GRID1: variants seen among roughly 807,000 people sequenced by gnomAD.
GRID1 encodes the protein glutamate ionotropic receptor delta type subunit 1.
GRID1 carries 28 observed loss-of-function variants against 98.0 expected under a neutral mutation model. The observed-to-expected ratio is 0.29, with a 90% confidence interval of 0.21 to 0.39. The LOEUF (loss-of-function observed/expected upper bound fraction) is 0.39. Among genes scored for constraint, GRID1 ranks in the 10% least tolerant of loss-of-function variants. The pLI, the probability that GRID1 is intolerant of heterozygous loss-of-function variation, is 1.00. For synonymous variants in GRID1, 553 were observed against 538.5 expected (o/e 1.03, Z -0.37); for missense variants, 1,111 against 1,340.5 (o/e 0.83, Z 2.67).
At chr10:85,648,390 T>TA (rs1436590336) in intron 12 of GRID1, among the ~76,000 whole-genome samples, 2 of 152,024 alleles carry the variant, frequency 1.3e-5, no homozygotes, top group East Asian at 1.9e-4. Context: ...AATTGCAAAA[T>TA]AAAAAAAGCC....
At position 85,869,038 on chromosome 10, in the gene GRID1, G is replaced by A; in HGVS notation, c.923C>T (p.Pro308Leu). 2 of 1,613,940 alleles carry A rather than the reference G, an allele frequency of 1.2e-6. No individual in the cohort carries two copies. The highest frequency in any genetic ancestry group is 1.7e-6 in the Non-Finnish European group (2 of 1,179,944). The change falls in exon 6 of 16, where the codon CCC becomes CTC. Residue 308 changes from proline (P) to leucine (L), a missense_variant. By Grantham distance (98) the Pro-to-Leu change is moderately conservative. Coordinates refer to ENST00000327946, the MANE Select transcript of GRID1 (RefSeq NM_017551.3). Reference sequence around the variant, plus strand: ...CAGCATCTGGAGGTAGCCTTCCTGGGGGTCGCAGAGCAGGGAGGAGATGCG... The same window carrying A: ...CAGCATCTGGAGGTAGCCTTCCTGGAGGTCGCAGAGCAGGGAGGAGATGCG... ...NHRISSLLCDPQEGYLQMLQI... is the reference protein window; with the variant it reads ...NHRISSLLCDLQEGYLQMLQI...
At chr10:85,610,859 A>T (rs1842725063) in intron 15 of GRID1, among the ~76,000 whole-genome samples, 1 of 152,216 alleles carries the variant, frequency 6.6e-6, no homozygotes, top group Non-Finnish European at 1.5e-5. Context: ...ATTTCCATGC[A>T]ACCCTTCTTA....
At chr10:85,702,410 C>G (rs1841461833) in intron 12 of GRID1, among the ~76,000 whole-genome samples, 1 of 152,004 alleles carries the variant, frequency 6.6e-6, no homozygotes, top group African/African-American at 2.4e-5. Flanking sequence ...TGAAAATGAT[C>G]AGAGAATGTG....
At chr10:86,162,659 T>A (rs929574952) in intron 3 of GRID1, among the ~76,000 whole-genome samples, 3 of 152,202 alleles carry the variant, frequency 2.0e-5, no homozygotes, top group Non-Finnish European at 4.4e-5. Context: ...AAAAAGTCTG[T>A]CTGGATCTGG....
chr10:86,339,886 GCAA>G (rs1564743266), intron 2 of GRID1, among the ~76,000 whole-genome samples: 1 of 152,208 alleles, frequency 6.6e-6, no homozygotes, highest in Non-Finnish European at 1.5e-5. Context: ...AGGTGAACGA[GCAA>G]CAACAAGGTT....
At chr10:86,269,699 A>G (rs952809584) in intron 2 of GRID1, among the ~76,000 whole-genome samples, 1 of 151,980 alleles carries the variant, frequency 6.6e-6, no homozygotes, top group Non-Finnish European at 1.5e-5. Flanking sequence ...TTTAGTCTCA[A>G]TTCCCAAGCT....
chr10:85,723,218 C>T, intron 11 of GRID1, 77 bp from the exon 12 acceptor site: 2 of 1,401,350 alleles, frequency 1.4e-6, no homozygotes, highest in East Asian at 2.5e-5. Flanking sequence ...TTCTGCCCTG[C>T]AGCCAGGCAC....
intron 2 of GRID1, among the ~76,000 whole-genome samples, chr10:86,222,943 T>TC (rs1308476315): frequency 6.6e-6 from 1 of 151,350 alleles, no homozygotes; most frequent in Non-Finnish European, 1.5e-5. Flanking sequence ...CGAGACTGCA[T>TC]CCCCCCCTCC....
chr10:85,912,547 A>T lies in GRID1; in HGVS notation c.780+3639T>A, dbSNP rs569707987. ...AAAATGCATAAAACAAATCAAATAC[A>T]GAGGAGGAAACTGAAAGGCAGAGCC... is the stretch of plus-strand genomic sequence containing the variant. On this transcript the variant is annotated intron_variant, in intron 5 of 15. Coordinates refer to ENST00000327946, the MANE Select transcript of GRID1 (RefSeq NM_017551.3). Among the ~76,000 whole-genome samples the T allele has an allele frequency of 4.5e-3, 687 of 152,386 alleles. 17 individuals carry two copies. Among genetic ancestry groups the T allele is most frequent in the Admixed American group, 0.038 (585 of 15,304 alleles).
At chr10:86,339,659 G>A (rs1848282396) in intron 2 of GRID1, among the ~76,000 whole-genome samples, 1 of 152,244 alleles carries the variant, frequency 6.6e-6, no homozygotes, top group African/African-American at 2.4e-5. Context: ...CGACAGCAAA[G>A]GAGGGAACGA....
chr10:86,356,511 G>C (rs954017149), intron 2 of GRID1, among the ~76,000 whole-genome samples: 35 of 152,174 alleles, frequency 2.3e-4, no homozygotes, highest in African/African-American at 8.2e-4. Context: ...GAAGTGATGT[G>C]AGCACATCCA....
chr10:86,239,951 T>C (rs1418751888), intron 2 of GRID1, among the ~76,000 whole-genome samples: 1 of 152,152 alleles, frequency 6.6e-6, no homozygotes, highest in Non-Finnish European at 1.5e-5. Flanking sequence ...TTTATAAGAC[T>C]GGTGTCCTCA....
intron 4 of GRID1, among the ~76,000 whole-genome samples, chr10:86,060,659 G>C (rs947169114): frequency 6.6e-6 from 1 of 152,198 alleles, no homozygotes; most frequent in Non-Finnish European, 1.5e-5. Flanking sequence ...CGCTGGCCTG[G>C]ACTGGTTTCA....
At position 85,764,936 on chromosome 10, in the gene GRID1, G is replaced by A. The variant is rs139080187; in HGVS notation, c.1234-35322C>T. On this transcript the variant is annotated intron_variant, in intron 8 of 15. Coordinates refer to ENST00000327946, the MANE Select transcript of GRID1 (RefSeq NM_017551.3). Reference sequence around the variant, plus strand: ...GACTATATAACAGAAATGCAGCAGGGATTTTTCTTTGCCCCAAAGAGGACA... The same window carrying A: ...GACTATATAACAGAAATGCAGCAGGAATTTTTCTTTGCCCCAAAGAGGACA... Among the ~76,000 whole-genome samples the A allele has an allele frequency of 5.8e-4, 89 of 152,300 alleles. 3 individuals are homozygous for A. The East Asian group carries it at 0.016, about 27-fold the overall frequency.
At chr10:85,920,533 C>T (rs1841687893) in intron 4 of GRID1, among the ~76,000 whole-genome samples, 1 of 152,180 alleles carries the variant, frequency 6.6e-6, no homozygotes, top group African/African-American at 2.4e-5. Context: ...CCAGGAGCCT[C>T]ATCTCTGCCA....
intron 4 of GRID1, among the ~76,000 whole-genome samples, chr10:86,085,579 C>T (rs1263124769): frequency 6.6e-6 from 1 of 152,126 alleles, no homozygotes; most frequent in African/African-American, 2.4e-5. Context: ...TGCCTGACCC[C>T]TAGGAACAAA....
At chr10:86,113,045 C>T (rs74343914) in intron 4 of GRID1, among the ~76,000 whole-genome samples, 5,791 of 152,246 alleles carry the variant, frequency 0.038, 144 homozygotes, top group Middle Eastern at 0.061. Context: ...TCCGATTTGT[C>T]CAATACTTGT....
intron 8 of GRID1, among the ~76,000 whole-genome samples, chr10:85,761,215 A>G (rs1842144344): frequency 6.6e-6 from 1 of 152,230 alleles, no homozygotes; most frequent in Non-Finnish European, 1.5e-5. Flanking sequence ...TGAGCTCCAA[A>G]GAAGCTAACC....
At chr10:86,083,865 G>T (rs1043457695) in intron 4 of GRID1, among the ~76,000 whole-genome samples, 1 of 152,200 alleles carries the variant, frequency 6.6e-6, no homozygotes, top group Non-Finnish European at 1.5e-5. Flanking sequence ...TTGTACTTGC[G>T]TGTTTTCAGC....
Sources: allele counts gnomAD v4.1 joint callset (sites outside exome capture counted in the v4.1 genomes callset), GRCh38; gene constraint gnomAD v4.1.1; transcripts MANE v1.5; gene names NCBI Gene and HGNC (gene_info 2026-07-23, HGNC 2026-07-21).